The following PDPN variants were observed in gnomAD, a reference collection of about 807,000 sequenced individuals.
PDPN encodes the protein podoplanin.
Under a neutral mutation model 23.2 loss-of-function variants are expected in PDPN, and 12 were observed. The observed-to-expected ratio is 0.52, with a 90% CI of 0.33 to 0.84. PDPN has a LOEUF of 0.84. PDPN is among the 40% of genes least tolerant of loss of function. The pLI, the probability that PDPN is intolerant of heterozygous loss-of-function variation, is 0.02. For missense variants in PDPN, 199 were observed against 212.2 expected, an observed-to-expected ratio of 0.94 and a Z score of 0.39; for synonymous variants, 77 against 76.7, an observed-to-expected ratio of 1.00 and a Z score of -0.02.
rs558294970 is a variant in PDPN at position 13,602,083 on chromosome 1, T to G, written c.68-5090T>G. On this transcript the variant is annotated intron_variant, in intron 1 of 5. Coordinates refer to ENST00000621990, the MANE Select transcript of PDPN (RefSeq NM_006474.5). ...TCAGCACTTTGGGTGGCTCAGCACT[T>G]CGGGAGGCCGAGGCGGGTGGATCAC... Among the ~76,000 whole-genome samples, 9 of 152,032 alleles carry G rather than the reference T, an allele frequency of 5.9e-5. No individual in the cohort carries two copies. In the East Asian group the frequency reaches 1.8e-3, roughly 30 times the overall value.
chr1:13,613,745 C>G lies in PDPN; in HGVS notation c.370+20C>G. On this transcript the variant is annotated intron_variant, in intron 4 of 5. Transcript: ENST00000621990. ...AGAAAGGTAGGCTAGATTTTGGCAT[C>G]AAAATACTCTTACTGGGGTTTTTTA... is the stretch of plus-strand genomic sequence containing the variant. 1 of 1,397,156 alleles carries G rather than the reference C, an allele frequency of 7.2e-7. No homozygotes were observed. Among genetic ancestry groups the G allele is most frequent in the Non-Finnish European group, 1.0e-6 (1 of 984,060 alleles). The allele number at this position is 1,397,156 out of a possible 1,614,324, so 86.5% of individuals were successfully genotyped here. A position where few individuals can be genotyped will look rare whatever the true frequency, so the allele number is the denominator to read the frequency against.
At chr1:13,609,443 TAAAA>T (rs1279712692) in intron 2 of PDPN, among the ~76,000 whole-genome samples, 1 of 152,118 alleles carries the variant, frequency 6.6e-6, no homozygotes, top group Non-Finnish European at 1.5e-5. Context: ...TTATTGTGGT[TAAAA>T]AAATAACATG....
chr1:13,613,584 T>C (rs1347202197), intron 3 of PDPN, 103 bp from the exon 4 acceptor site: 2 of 697,000 alleles, frequency 2.9e-6, no homozygotes, highest in East Asian at 5.4e-5. Flanking sequence ...TCTTGGTTTA[T>C]GTTTTGCTGC....
intron 1 of PDPN, chr1:13,584,308 G>C (rs1389262321): frequency 2.0e-6 from 3 of 1,505,984 alleles, no homozygotes; most frequent in Non-Finnish European, 2.7e-6. Flanking sequence ...GCGCGGGTGT[G>C]CCGGGAGGAG....
chr1:13,609,353 G>T (rs1388839032), intron 2 of PDPN, among the ~76,000 whole-genome samples: 1 of 152,090 alleles, frequency 6.6e-6, no homozygotes, highest in African/African-American at 2.4e-5. Context: ...AGAGAGCAGA[G>T]AATTTATATT....
At chr1:13,605,703 A>G (rs879640966) in intron 1 of PDPN, among the ~76,000 whole-genome samples, 1 of 151,676 alleles carries the variant, frequency 6.6e-6, no homozygotes. Flanking sequence ...GCTCACTGCA[A>G]CCCCCACCTC....
At chr1:13,599,207 C>T (rs1570032564) in intron 1 of PDPN, among the ~76,000 whole-genome samples, 1 of 151,050 alleles carries the variant, frequency 6.6e-6, no homozygotes, top group South Asian at 2.1e-4. Flanking sequence ...GACGAGTTTT[C>T]ACCATGTTGG....
rs1408824690 is a variant in PDPN, at chr1:13,617,936, TAAAAC to T, written c.*2029_*2033del. On this transcript the variant is annotated 3_prime_UTR_variant, in exon 6 of 6. Transcript: ENST00000621990. Reference sequence around the variant, plus strand: ...AATGCAGTGTAGACATGTTTTCAAATAAAACAAATGATTGTGTACAACAATGAGTC... The same window carrying T: ...AATGCAGTGTAGACATGTTTTCAAATAAATGATTGTGTACAACAATGAGTC... 4 of 152,100 alleles carry T rather than the reference TAAAAC, an allele frequency of 2.6e-5. No homozygotes were observed. The highest frequency in any genetic ancestry group is 2.9e-5 in the Non-Finnish European group (2 of 68,036). 9.4% of individuals were successfully genotyped at this position (152,100 alleles called of 1,614,324 possible).
At chr1:13,585,700 C>G (rs956303137) in intron 1 of PDPN, 4 of 1,269,412 alleles carry the variant, frequency 3.2e-6, no homozygotes, top group Non-Finnish European at 4.2e-6. Flanking sequence ...AACTCCACTA[C>G]TAAAGAAAGA....
intron 1 of PDPN, among the ~76,000 whole-genome samples, chr1:13,603,606 T>A (rs1316219700): frequency 6.6e-6 from 1 of 151,462 alleles, no homozygotes; most frequent in Admixed American, 6.6e-5. Flanking sequence ...TTTTTTTTTT[T>A]AAGACAGAGT....
chr1:13,599,798 C>T (rs565723827), intron 1 of PDPN, among the ~76,000 whole-genome samples: 1 of 152,232 alleles, frequency 6.6e-6, no homozygotes, highest in East Asian at 1.9e-4. Context: ...CAGCTCTTGG[C>T]AGGTGCTTGG....
intron 1 of PDPN, among the ~76,000 whole-genome samples, chr1:13,600,358 A>G (rs1419050339): frequency 6.7e-6 from 1 of 149,124 alleles, no homozygotes; most frequent in Non-Finnish European, 1.5e-5. Flanking sequence ...TGAACTTGGC[A>G]CATCACTTAA....
At position 13,616,631 on chromosome 1, in the gene PDPN, T is replaced by C. The variant is rs1426402689; in HGVS notation, c.*720T>C. 6.6e-6 allele frequency: 1 copy of C among 152,482 alleles called. No homozygotes were observed. The highest frequency in any genetic ancestry group is 1.5e-5 in the Non-Finnish European group (1 of 68,248). 9.4% of individuals were successfully genotyped at this position (152,482 alleles called of 1,614,324 possible). On this transcript the variant is annotated 3_prime_UTR_variant, in exon 6 of 6. Transcript: ENST00000621990. ...CTTTACCCAAATCCTTCTCCAGCCA[T>C]GACTTGGTGACTCTAAGCTTGCTCC...
intron 1 of PDPN, among the ~76,000 whole-genome samples, chr1:13,594,981 C>T (rs1429283907): frequency 1.4e-5 from 2 of 142,998 alleles, no homozygotes; most frequent in East Asian, 2.0e-4. Context: ...GGCGACAGAG[C>T]GAGACTCCTT....
At chr1:13,584,484 C>T (rs986061230) in intron 1 of PDPN, 4 of 588,148 alleles carry the variant, frequency 6.8e-6, no homozygotes, top group Non-Finnish European at 8.7e-6. Context: ...ATACGCACGC[C>T]TCGGGAGAAG....
intron 2 of PDPN, among the ~76,000 whole-genome samples, chr1:13,607,788 G>A (rs1193276651): frequency 6.6e-6 from 1 of 152,134 alleles, no homozygotes; most frequent in Non-Finnish European, 1.5e-5. Context: ...TTGTGGCAAT[G>A]TCATTGCTAT....
intron 1 of PDPN, among the ~76,000 whole-genome samples, chr1:13,589,591 T>G (rs1377288427): frequency 6.6e-6 from 1 of 152,094 alleles, no homozygotes; most frequent in Non-Finnish European, 1.5e-5. Context: ...ATAGAGGAAT[T>G]AAGAGACTCA....
intron 4 of PDPN, 34 bp downstream of exon 4, chr1:13,613,759 T>C: frequency 4.7e-6 from 6 of 1,270,226 alleles, no homozygotes; most frequent in Non-Finnish European, 6.9e-6. Context: ...ATACTCTTAC[T>C]GGGGTTTTTT....
At chr1:13,593,602 C>T (rs1640412032) in intron 1 of PDPN, among the ~76,000 whole-genome samples, 1 of 152,182 alleles carries the variant, frequency 6.6e-6, no homozygotes, top group Admixed American at 6.5e-5. Flanking sequence ...AGGCCTCATC[C>T]TCCTGGGCTC....
Sources: allele counts gnomAD v4.1 joint callset (sites outside exome capture counted in the v4.1 genomes callset), GRCh38; gene constraint gnomAD v4.1.1; transcripts MANE v1.5; gene names NCBI Gene and HGNC (gene_info 2026-07-23, HGNC 2026-07-21).